The following SPTLC3 variants were observed in gnomAD, a reference collection of about 807,000 sequenced individuals.
SPTLC3 encodes serine palmitoyltransferase long chain base subunit 3, also known as serine palmitoyltransferase 3.
SPTLC3 carries 36 observed loss-of-function variants against 59.3 expected under a neutral mutation model. The observed-to-expected ratio is 0.61, with a 90% CI of 0.47 to 0.80. The LOEUF is 0.80. SPTLC3 is among the 30% of genes least tolerant of loss of function. The probability of loss-of-function intolerance (pLI) is 0.00; values close to 1 mark genes in which losing one functional copy is unlikely to be tolerated. For synonymous variants in SPTLC3, 257 were observed against 240.8 expected, an observed-to-expected ratio of 1.07 and a Z score of -0.62; for missense variants, 625 against 685.1, an observed-to-expected ratio of 0.91 and a Z score of 0.98.
intron 4 of SPTLC3, among the ~76,000 whole-genome samples, chr20:13,090,229 G>A (rs1250050173): frequency 6.6e-6 from 1 of 152,194 alleles, no homozygotes; most frequent in East Asian, 1.9e-4. Context: ...AAACTTTGGA[G>A]TTAAACTAGA....
chr20:13,118,493 A>C (rs1990715622), intron 8 of SPTLC3, among the ~76,000 whole-genome samples: 1 of 151,248 alleles, frequency 6.6e-6, no homozygotes, highest in Admixed American at 6.6e-5. Flanking sequence ...AGAGAAATTT[A>C]AAAGGAGGGA....
chr20:13,044,850 T>A (rs1233858815), intron 1 of SPTLC3, among the ~76,000 whole-genome samples: 3 of 152,138 alleles, frequency 2.0e-5, no homozygotes, highest in African/African-American at 7.2e-5. Flanking sequence ...ATCTTCATTG[T>A]TATGCTCGAC....
chr20:13,098,370 C>G (rs113257757), intron 6 of SPTLC3, among the ~76,000 whole-genome samples: 1 of 152,004 alleles, frequency 6.6e-6, no homozygotes, highest in African/African-American at 2.4e-5. Context: ...TATGCATAGA[C>G]GAGATGATTA....
chr20:13,135,434 A>G (rs529121643), intron 9 of SPTLC3, among the ~76,000 whole-genome samples: 1 of 152,314 alleles, frequency 6.6e-6, no homozygotes, highest in Non-Finnish European at 1.5e-5. Flanking sequence ...TGGTGTTGAA[A>G]TGAAATTGGC....
chr20:13,039,769 CT>C (rs1479021700), intron 1 of SPTLC3, among the ~76,000 whole-genome samples: 5 of 151,852 alleles, frequency 3.3e-5, no homozygotes, highest in Admixed American at 6.6e-5. Flanking sequence ...TAATTTTTCA[CT>C]TTTTTTGAGT....
intron 8 of SPTLC3, among the ~76,000 whole-genome samples, chr20:13,118,346 A>G (rs190703988): frequency 1.1e-4 from 16 of 150,606 alleles, no homozygotes; most frequent in Admixed American, 1.0e-3. Context: ...CCATTCTCCA[A>G]TATCTTATCA....
chr20:13,087,642 C>A (rs1310623088), intron 4 of SPTLC3, among the ~76,000 whole-genome samples: 1 of 152,148 alleles, frequency 6.6e-6, no homozygotes, highest in Non-Finnish European at 1.5e-5. Flanking sequence ...ACTGTGGTTG[C>A]CAAGACAAAC....
In SPTLC3 at chr20:13,051,276, G is replaced by T. The variant is rs151157977; in HGVS notation, c.303+2146G>T. ...CATTTCATGCAAATAGACACCAAAA[G>T]ATAGCAGGGGTAGCTATTCTAATAT... On this transcript the variant is annotated intron_variant, in intron 2 of 11. Coordinates refer to ENST00000399002, the MANE Select transcript of SPTLC3 (RefSeq NM_018327.4). 8.8e-4 allele frequency among the ~76,000 whole-genome samples: 134 copies of T among 152,302 alleles called. 1 individual carries two copies. Among genetic ancestry groups the T allele is most frequent in the African/African-American group, 3.1e-3 (130 of 41,550 alleles).
chr20:13,038,706 TA>T lies in SPTLC3; in HGVS notation c.118-10238del, dbSNP rs1303922250. On this transcript the variant is annotated intron_variant, in intron 1 of 11. Transcript: ENST00000399002. ...TGTTTGCTTTAGCTTTAGTTTGTTTTACTTTTTCCATGGTCTTAAGATAAGG... is the reference window on the plus strand; with the variant it reads ...TGTTTGCTTTAGCTTTAGTTTGTTTTCTTTTTCCATGGTCTTAAGATAAGG... Among the ~76,000 whole-genome samples the T allele has an allele frequency of 2.0e-5, 3 of 152,166 alleles. No homozygotes were observed. In the East Asian group the frequency reaches 5.8e-4, roughly 29 times the overall value.
intron 7 of SPTLC3, among the ~76,000 whole-genome samples, chr20:13,115,839 G>A (rs1990510439): frequency 6.6e-6 from 1 of 152,136 alleles, no homozygotes; most frequent in South Asian, 2.1e-4. Context: ...CCTGTGAAGA[G>A]GGGCCCATCA....
intron 4 of SPTLC3, among the ~76,000 whole-genome samples, chr20:13,083,760 A>G (rs1317529613): frequency 6.6e-6 from 1 of 152,106 alleles, no homozygotes; most frequent in African/African-American, 2.4e-5. Context: ...TGAGGCTCCC[A>G]TTCTTCAAGA....
intron 1 of SPTLC3, among the ~76,000 whole-genome samples, chr20:13,025,145 T>C (rs1986081040): frequency 1.3e-5 from 2 of 152,194 alleles, no homozygotes; most frequent in African/African-American, 4.8e-5. Flanking sequence ...AAAATAATTA[T>C]ACAGGTAATA....
intron 3 of SPTLC3, chr20:13,073,679 T>G: frequency 5.5e-6 from 2 of 366,502 alleles, no homozygotes; most frequent in South Asian, 5.4e-5. Flanking sequence ...TTAATGTGAC[T>G]GCTTATCTGC....
intron 1 of SPTLC3, among the ~76,000 whole-genome samples, chr20:13,047,641 T>C (rs1987287841): frequency 1.3e-5 from 2 of 152,134 alleles, no homozygotes. Context: ...ACTAATCAAT[T>C]GAGCAGATGT....
Position 13,138,307 on chromosome 20 carries a change from G to C in SPTLC3, c.1279+11590G>C, listed in dbSNP as rs1421885969. 2.0e-5 allele frequency among the ~76,000 whole-genome samples: 3 copies of C among 152,076 alleles called. No homozygotes were observed. The East Asian group carries it at 5.8e-4, about 29-fold the overall frequency. Reference sequence around the variant, plus strand: ...CATCTCCTCAACTATTCTGCAGGCAGCTTTTCCTCTATCTGGAAGGCTCTC... The same window carrying C: ...CATCTCCTCAACTATTCTGCAGGCACCTTTTCCTCTATCTGGAAGGCTCTC... On this transcript the variant is annotated intron_variant, in intron 9 of 11. Transcript: ENST00000399002.
At chr20:13,027,290 C>G (rs1345204404) in intron 1 of SPTLC3, among the ~76,000 whole-genome samples, 2 of 152,186 alleles carry the variant, frequency 1.3e-5, no homozygotes, top group Non-Finnish European at 2.9e-5. Context: ...ATCCTTACGT[C>G]TGTACGTCCC....
At chr20:13,053,520 A>G (rs1987589368) in intron 2 of SPTLC3, among the ~76,000 whole-genome samples, 1 of 152,124 alleles carries the variant, frequency 6.6e-6, no homozygotes, top group Non-Finnish European at 1.5e-5. Context: ...CAAGGGAACA[A>G]AACTGGACGG....
intron 9 of SPTLC3, among the ~76,000 whole-genome samples, chr20:13,138,538 C>T (rs753762951): frequency 6.6e-6 from 1 of 152,184 alleles, no homozygotes; most frequent in Non-Finnish European, 1.5e-5. Flanking sequence ...GCACCTTAAG[C>T]ATCAAATACG....
chr20:13,125,961 C>T (rs1407618977), intron 8 of SPTLC3, among the ~76,000 whole-genome samples: 2 of 152,166 alleles, frequency 1.3e-5, no homozygotes, highest in East Asian at 1.9e-4. Context: ...CTATACATGC[C>T]TTCTGCTTTC....
Sources: gnomAD v4.1 joint callset for allele counts (sites outside exome capture counted in the v4.1 genomes callset) on GRCh38, gnomAD v4.1.1 for gene constraint, MANE v1.5 for transcripts, NCBI Gene and HGNC (gene_info 2026-07-23, HGNC 2026-07-21) for gene names.